Variants in SCRT1 observed in about 807,000 individuals in gnomAD.
SCRT1 encodes transcriptional repressor scratch 1.
A neutral mutation model predicts 3.4 loss-of-function variants in SCRT1; 1 was observed. The ratio of observed to expected loss-of-function variants is 0.29; its 90% CI spans 0.10 to 1.39. The LOEUF is 1.39. Ranked by LOEUF, SCRT1 falls within the 40% of genes most tolerant of loss-of-function variation. The probability of loss-of-function intolerance (pLI) is 0.42; values close to 1 mark genes in which losing one functional copy is unlikely to be tolerated. For missense variants in SCRT1, 380 were observed against 526.3 expected, an observed-to-expected ratio of 0.72 and a Z score of 2.72; for synonymous variants, 238 against 247.0, an observed-to-expected ratio of 0.96 and a Z score of 0.34.
At position 144,333,230 on chromosome 8, in the gene SCRT1, G is replaced by C. The variant is rs1817821884; in HGVS notation, c.1002C>G (p.Gly334=). Residue 334 remains glycine, a synonymous_variant, in exon 2 of 2, where the codon GGC becomes GGG. Transcript: ENST00000569446. ...GCTGTGGCGGCGCAGGAGCCGCGGG[G>C]CCTCCGGCGCCGCCCTTGAAGCAGG... ...ESACFKGGAG[G]PAAPAPPQLS... 1.9e-6 allele frequency: 3 copies of C among 1,595,578 alleles called. No homozygotes were observed. Among genetic ancestry groups the C allele is most frequent in the East Asian group, 4.5e-5 (2 of 44,234 alleles).
rs1386672342 is a variant in SCRT1, at chr8:144,334,174, C to T, written c.116-58G>A. The T allele has an allele frequency of 2.6e-4, 9 of 35,166 alleles. No individual in the cohort carries two copies. In the South Asian group the frequency reaches 2.8e-3, roughly 11 times the overall value. 2.2% of individuals were successfully genotyped at this position (35,166 alleles called of 1,614,324 possible). On this transcript the variant is annotated intron_variant, in intron 1 of 1. Transcript: ENST00000569446. Reference sequence around the variant, plus strand: ...GAATGGGGCGGCGGCAGGACACACACGGGGGATGGGGGGGCGGGAGACAGC... The same window carrying T: ...GAATGGGGCGGCGGCAGGACACACATGGGGGATGGGGGGGCGGGAGACAGC...
At position 144,333,299 on chromosome 8, in the gene SCRT1, C is replaced by G; in HGVS notation, c.933G>C (p.Lys311Asn). The change falls in exon 2 of 2, where the codon AAG (lysine) becomes AAC (asparagine). Residue 311 changes from lysine to asparagine, a missense_variant. Physicochemically the swap from Lys to Asn is moderately conservative, Grantham distance 94. Transcript: ENST00000569446. ...FKHFQCKRCK[K>N]SFALKSYLNK... is the part of the protein sequence containing the mutation. ...TGAGATAGGACTTGAGCGCGAAGCT[C>G]TTCTTGCAGCGCTTGCACTGGAAGT... The G allele has an allele frequency of 6.2e-7, 1 of 1,612,916 alleles. No homozygotes were observed. The highest frequency in any genetic ancestry group is 8.5e-7 in the Non-Finnish European group (1 of 1,179,774).
In SCRT1 at chr8:144,332,408, T is replaced by TG. The variant is rs1817787425; in HGVS notation, c.*776dup. Reference sequence around the variant, plus strand: ...ATGCCTGGGGTACGGGGGTGGGGGGTGGGGGCCCGGGGCAGGGCGGAAGCG... The same window carrying TG: ...ATGCCTGGGGTACGGGGGTGGGGGGTGGGGGGCCCGGGGCAGGGCGGAAGCG... On this transcript the variant is annotated 3_prime_UTR_variant, in exon 2 of 2. Transcript: ENST00000569446. 5 of 71,466 alleles carry TG rather than the reference T, an allele frequency of 7.0e-5. No individual in the cohort carries two copies. The highest frequency in any genetic ancestry group is 5.8e-4 in the South Asian group (1 of 1,726). The allele number at this position is 71,466 out of a possible 1,614,324, so 4.4% of individuals were successfully genotyped here.
Position 144,336,057 on chromosome 8 carries a change from T to C in SCRT1, c.113A>G (p.Lys38Arg). 6.3e-7 allele frequency: 1 copy of C among 1,596,886 alleles called. No homozygotes were observed. The highest frequency in any genetic ancestry group is 8.5e-7 in the Non-Finnish European group (1 of 1,171,496). The change falls in exon 1 of 2, where the codon AAA becomes AGA. Residue 38 changes from lysine (K) to arginine (R), a missense_variant and splice_region_variant. Coordinates refer to ENST00000569446, the MANE Select transcript of SCRT1 (RefSeq NM_031309.6). The surrounding 1 kb of genome is among the most constrained non-coding windows in gnomAD (Gnocchi z 6.8). Reference sequence around the variant, plus strand: ...CCTGGTCTCAGACCAGCGCTCACCTTTATCGTGCAGTGGCGCGCCGAGGTC... The same window carrying C: ...CCTGGTCTCAGACCAGCGCTCACCTCTATCGTGCAGTGGCGCGCCGAGGTC... Reference protein sequence around the residue: ...RSDLGAPLHDKGYLSDYVGPS... With the variant: ...RSDLGAPLHDRGYLSDYVGPS...
At chr8:144,334,984 T>C (rs962632320) in intron 1 of SCRT1, among the ~76,000 whole-genome samples, 12 of 152,180 alleles carry the variant, frequency 7.9e-5, no homozygotes, top group Non-Finnish European at 1.3e-4. Context: ...GCATCACTTA[T>C]ACCGGTAGCT....
In SCRT1 at chr8:144,333,299, C is replaced by T. The variant is rs574785949; in HGVS notation, c.933G>A (p.Lys311=). The change falls in exon 2 of 2, where the codon AAG becomes AAA. Residue 311 remains lysine (K), a synonymous_variant. Transcript: ENST00000569446. Reference sequence around the variant, plus strand: ...TGAGATAGGACTTGAGCGCGAAGCTCTTCTTGCAGCGCTTGCACTGGAAGT... The same window carrying T: ...TGAGATAGGACTTGAGCGCGAAGCTTTTCTTGCAGCGCTTGCACTGGAAGT... ...FKHFQCKRCK[K]SFALKSYLNK... 8.1e-6 allele frequency: 13 copies of T among 1,612,916 alleles called. No individual in the cohort carries two copies. In the East Asian group the frequency reaches 1.6e-4, roughly 19 times the overall value.
chr8:144,336,187 G>T lies in SCRT1; in HGVS notation c.-18C>A. ...CTGGGCATGATTCCTGCGGGGCTCC[G>T]GCGCTGTGGGCCTGCGGAGCCGGGG... On this transcript the variant is annotated 5_prime_UTR_variant, in exon 1 of 2. Transcript: ENST00000569446. The surrounding 1 kb of genome is among the most constrained non-coding windows in gnomAD (Gnocchi z 6.8). The T allele has an allele frequency of 1.3e-6, 2 of 1,548,788 alleles. No individual in the cohort carries two copies. The highest frequency in any genetic ancestry group is 1.2e-5 in the South Asian group (1 of 85,322).
Position 144,333,234 on chromosome 8 carries a change from C to G in SCRT1, c.998G>C (p.Gly333Ala), listed in dbSNP as rs1449591231. The change falls in exon 2 of 2, where the codon GGA becomes GCA. Residue 333 changes from glycine (G) to alanine (A), a missense_variant. This residue lies in a region of SCRT1 where 67 missense variants were observed against 64.7 expected (regional missense o/e 1.04). Transcript: ENST00000569446. ...YESACFKGGA[G>A]GPAAPAPPQL... ...TGGCGGCGCAGGAGCCGCGGGGCCT[C>G]CGGCGCCGCCCTTGAAGCAGGCCGA... The G allele has an allele frequency of 6.3e-7, 1 of 1,598,324 alleles. No individual in the cohort carries two copies. The highest frequency in any genetic ancestry group is 1.1e-5 in the South Asian group (1 of 89,242).
In SCRT1 at chr8:144,331,606, C is replaced by T. The variant is rs1218369816; in HGVS notation, c.*1579G>A. Reference sequence around the variant, plus strand: ...ACATAGTAGGTGCTCAATGAACGGTCAGTGAATGATTAATGCCTGAAGGAG... The same window carrying T: ...ACATAGTAGGTGCTCAATGAACGGTTAGTGAATGATTAATGCCTGAAGGAG... On this transcript the variant is annotated 3_prime_UTR_variant, in exon 2 of 2. Transcript: ENST00000569446. 1 of 152,296 alleles carries T rather than the reference C, an allele frequency of 6.6e-6. No individual in the cohort carries two copies. The highest frequency in any genetic ancestry group is 1.5e-5 in the Non-Finnish European group (1 of 68,096). The allele number at this position is 152,296 out of a possible 1,614,324, so 9.4% of individuals were successfully genotyped here. A position where few individuals can be genotyped will look rare whatever the true frequency, so the allele number is the denominator to read the frequency against.
Position 144,336,306 on chromosome 8 carries a change from G to T in SCRT1, c.-137C>A. 1 of 608,476 alleles carries T rather than the reference G, an allele frequency of 1.6e-6. No homozygotes were observed. Among genetic ancestry groups the T allele is most frequent in the Non-Finnish European group, 2.9e-6 (1 of 347,644 alleles). The allele number at this position is 608,476 out of a possible 1,614,324, so 37.7% of individuals were successfully genotyped here. On this transcript the variant is annotated 5_prime_UTR_variant, in exon 1 of 2. Transcript: ENST00000569446. The surrounding 1 kb of genome is among the most constrained non-coding windows in gnomAD (Gnocchi z 6.8). The stretch of plus-strand genomic sequence containing the variant: ...CTCTGGCCTTTGGATGCTGCCGCGC[G>T]AGTGGTGTCCTCTCTCCTTGCTGCC...
Position 144,335,203 on chromosome 8 carries a change from ACT to A in SCRT1, c.115+850_115+851del, listed in dbSNP as rs1554850187. On this transcript the variant is annotated intron_variant, in intron 1 of 1. Coordinates refer to ENST00000569446, the MANE Select transcript of SCRT1 (RefSeq NM_031309.6). This position sits in a 1 kb window ranked among gnomAD's most constrained non-coding sequence, Gnocchi z 7.7. ...TCACACATGCAGTCACCCCGGACACACTCTCAAGTCACATGGTGCACAGCGGC... is the reference window on the plus strand; with the variant it reads ...TCACACATGCAGTCACCCCGGACACACTCAAGTCACATGGTGCACAGCGGC... 1.3e-5 allele frequency among the ~76,000 whole-genome samples: 2 copies of A among 151,840 alleles called. No homozygotes were observed. Among genetic ancestry groups the A allele is most frequent in the African/African-American group, 4.8e-5 (2 of 41,306 alleles).
chr8:144,330,809 C>T lies in SCRT1; in HGVS notation c.*2376G>A, dbSNP rs548078915. On this transcript the variant is annotated 3_prime_UTR_variant, in exon 2 of 2. Transcript: ENST00000569446. The stretch of plus-strand genomic sequence containing the variant: ...CGGGCCGGCGGCCGCAGCCCCCACC[C>T]GAGGGCCCCCGCACCTCGGGCCCTA... 21 of 151,992 alleles carry T rather than the reference C, an allele frequency of 1.4e-4. No individual in the cohort carries two copies. In the South Asian group the frequency reaches 1.7e-3, roughly 12 times the overall value. 9.4% of individuals were successfully genotyped at this position (151,992 alleles called of 1,614,324 possible).
rs1817886887 is a variant in SCRT1 at position 144,336,229 on chromosome 8, C to G, written c.-60G>C. 1 of 1,281,092 alleles carries G rather than the reference C, an allele frequency of 7.8e-7. No individual in the cohort carries two copies. The highest frequency in any genetic ancestry group is 1.1e-6 in the Non-Finnish European group (1 of 929,558). 79.4% of individuals were successfully genotyped at this position (1,281,092 alleles called of 1,614,324 possible). A position where few individuals can be genotyped will look rare whatever the true frequency, so the allele number is the denominator to read the frequency against. The stretch of plus-strand genomic sequence containing the variant: ...GAGCCGGGGCTTGGGGGGGCTGCGG[C>G]GGCAGGGCCCCGTCACCATCCGAGG... On this transcript the variant is annotated 5_prime_UTR_variant, in exon 1 of 2. Transcript: ENST00000569446. The surrounding 1 kb of genome is among the most constrained non-coding windows in gnomAD (Gnocchi z 6.8).
Position 144,333,602 on chromosome 8 carries a change from C to T in SCRT1, c.630G>A (p.Lys210=), listed in dbSNP as rs1554849899. The T allele has an allele frequency of 2.5e-6, 4 of 1,609,328 alleles. No individual in the cohort carries two copies. Among genetic ancestry groups the T allele is most frequent in the Non-Finnish European group, 3.4e-6 (4 of 1,179,122 alleles). The part of the protein sequence containing the change: ...YATSSNLSRH[K]QTHRSLDSQL... ...GGCTGTCCAGGCTGCGGTGCGTCTG[C>T]TTGTGGCGGCTCAGGTTCGACGACG... Residue 210 remains lysine, a synonymous_variant, in exon 2 of 2, where the codon AAG becomes AAA. Coordinates refer to ENST00000569446, the MANE Select transcript of SCRT1 (RefSeq NM_031309.6).
chr8:144,336,173 T>A lies in SCRT1; in HGVS notation c.-4A>T, dbSNP rs562053255. ...TGACCAGGAAGGACCTGGGCATGAT[T>A]CCTGCGGGGCTCCGGCGCTGTGGGC... On this transcript the variant is annotated 5_prime_UTR_variant, in exon 1 of 2. Transcript: ENST00000569446. The surrounding 1 kb of genome is among the most constrained non-coding windows in gnomAD (Gnocchi z 6.8). 6.3e-7 allele frequency: 1 copy of A among 1,586,684 alleles called. No homozygotes were observed. The highest frequency in any genetic ancestry group is 1.1e-5 in the South Asian group (1 of 88,064).
In SCRT1 at chr8:144,335,974, C is replaced by G. The variant is rs1337875134; in HGVS notation, c.115+81G>C. ...CTTCAGTCTGTTTCCCCGGGCCCTGCCCTCCGCCCCCACACTCTGGCCCTC... is the reference window on the plus strand; with the variant it reads ...CTTCAGTCTGTTTCCCCGGGCCCTGGCCTCCGCCCCCACACTCTGGCCCTC... On this transcript the variant is annotated intron_variant, in intron 1 of 1. Transcript: ENST00000569446. This position sits in a 1 kb window ranked among gnomAD's most constrained non-coding sequence, Gnocchi z 7.7. 2.1e-6 allele frequency: 2 copies of G among 962,406 alleles called. No homozygotes were observed. The highest frequency in any genetic ancestry group is 3.4e-5 in the African/African-American group (2 of 58,104). 59.6% of individuals were successfully genotyped at this position (962,406 alleles called of 1,614,324 possible).
chr8:144,334,141 C>T, intron 1 of SCRT1, 25 bp from the exon 2 acceptor site: 3 of 1,017,112 alleles, frequency 2.9e-6, no homozygotes, highest in Non-Finnish European at 2.5e-6. Flanking sequence ...GGACGGACAG[C>T]GGGAAGGGAA....
rs1817777165 is a variant in SCRT1 at position 144,332,137 on chromosome 8, T to G, written c.*1048A>C. On this transcript the variant is annotated 3_prime_UTR_variant, in exon 2 of 2. Transcript: ENST00000569446. ...AGAGGCTCCCAGCTAGGGGCGGGCC[T>G]CGGGGCGTGGAAAGTAATCCCGGAC... 6.6e-6 allele frequency: 1 copy of G among 151,936 alleles called. No homozygotes were observed. The highest frequency in any genetic ancestry group is 1.5e-5 in the Non-Finnish European group (1 of 67,962). The allele number at this position is 151,936 out of a possible 1,614,324, so 9.4% of individuals were successfully genotyped here.
At position 144,335,440 on chromosome 8, in the gene SCRT1, G is replaced by T. The variant is rs1485735908; in HGVS notation, c.115+615C>A. Among the ~76,000 whole-genome samples the T allele has an allele frequency of 6.6e-6, 1 of 152,080 alleles. No homozygotes were observed. Among genetic ancestry groups the T allele is most frequent in the South Asian group, 2.1e-4 (1 of 4,824 alleles). Reference sequence around the variant, plus strand: ...TGCTGACAGTTGTCCTTGAACTTGGGCACCCTTACACAAAGAGCCTCCCCC... The same window carrying T: ...TGCTGACAGTTGTCCTTGAACTTGGTCACCCTTACACAAAGAGCCTCCCCC... On this transcript the variant is annotated intron_variant, in intron 1 of 1. Coordinates refer to ENST00000569446, the MANE Select transcript of SCRT1 (RefSeq NM_031309.6). The surrounding 1 kb of genome is among the most constrained non-coding windows in gnomAD (Gnocchi z 7.7).
Sources: gnomAD v4.1 joint callset for allele counts (sites outside exome capture counted in the v4.1 genomes callset) on GRCh38, gnomAD v4.1.1 for gene constraint, gnomAD v4.1.1 regional missense constraint, Gnocchi (gnomAD v3.1) non-coding constraint, MANE v1.5 for transcripts, NCBI Gene and HGNC (gene_info 2026-07-23, HGNC 2026-07-21) for gene names.